The following MAGI1 variants were observed in gnomAD, a reference collection of about 807,000 sequenced individuals.
MAGI1 encodes membrane associated guanylate kinase, WW and PDZ domain containing 1, also known as membrane-associated guanylate kinase, WW and PDZ domain-containing protein 1.
A neutral mutation model predicts 139.9 loss-of-function variants in MAGI1; 58 were observed. That is an observed-to-expected ratio of 0.41 (90% CI 0.34 to 0.52). The LOEUF (loss-of-function observed/expected upper bound fraction) is 0.52, where lower values mean the gene tolerates loss of function less well. MAGI1 is among the 20% of genes least tolerant of loss of function. The pLI, the probability that MAGI1 is intolerant of heterozygous loss-of-function variation, is 0.12. For synonymous variants in MAGI1, 812 were observed against 737.9 expected (o/e 1.10, Z -1.63); for missense variants, 1,874 against 1,901.6 (o/e 0.99, Z 0.27).
intron 1 of MAGI1, among the ~76,000 whole-genome samples, chr3:65,986,116 T>C (rs900112346): frequency 3.3e-5 from 5 of 152,192 alleles, no homozygotes; most frequent in East Asian, 1.9e-4. Flanking sequence ...CAGCCAGACA[T>C]AGCTGATTGA....
chr3:66,003,609 C>A (rs1576427188), intron 1 of MAGI1, among the ~76,000 whole-genome samples: 1 of 97,330 alleles, frequency 1.0e-5, no homozygotes, highest in African/African-American at 3.2e-5. Flanking sequence ...AGACACACAC[C>A]ACAACACCCA....
intron 1 of MAGI1, among the ~76,000 whole-genome samples, chr3:65,865,750 C>G (rs1201449321): frequency 1.3e-5 from 2 of 152,220 alleles, no homozygotes; most frequent in African/African-American, 4.8e-5. Context: ...AAACGATTCT[C>G]CTGCCTCAGC....
At chr3:65,973,226 C>A (rs7644404) in intron 1 of MAGI1, among the ~76,000 whole-genome samples, 4 of 151,758 alleles carry the variant, frequency 2.6e-5, no homozygotes, top group African/African-American at 9.7e-5. Context: ...AGAACAGGTG[C>A]CCCCTATTCT....
At chr3:65,415,027 A>C (rs1946097217) in intron 12 of MAGI1, among the ~76,000 whole-genome samples, 4 of 151,716 alleles carry the variant, frequency 2.6e-5, no homozygotes, top group Middle Eastern at 3.4e-3. Flanking sequence ...AAACAAAAAA[A>C]AAAAAAACAG....
chr3:65,589,177 G>C (rs1408146656), intron 2 of MAGI1, among the ~76,000 whole-genome samples: 1 of 152,176 alleles, frequency 6.6e-6, no homozygotes, highest in East Asian at 1.9e-4. Context: ...GATTTAAAAT[G>C]ATGGCAAGAA....
intron 12 of MAGI1, among the ~76,000 whole-genome samples, chr3:65,404,712 G>C (rs1302900783): frequency 1.3e-5 from 2 of 152,172 alleles, no homozygotes; most frequent in Non-Finnish European, 2.9e-5. Context: ...ACAGCTGGGA[G>C]ACCTAACAGA....
At chr3:65,820,390 T>C (rs2041880415) in intron 1 of MAGI1, among the ~76,000 whole-genome samples, 1 of 152,148 alleles carries the variant, frequency 6.6e-6, no homozygotes, top group African/African-American at 2.4e-5. Context: ...TCACATCTCA[T>C]CTCCAGTCAC....
chr3:65,933,307 T>C (rs1444595306), intron 1 of MAGI1, among the ~76,000 whole-genome samples: 1 of 152,190 alleles, frequency 6.6e-6, no homozygotes, highest in East Asian at 1.9e-4. Flanking sequence ...ATCAAAATAT[T>C]GGTCAGGGCT....
At chr3:65,421,184 A>C (rs1456943208) in intron 12 of MAGI1, among the ~76,000 whole-genome samples, 1 of 152,212 alleles carries the variant, frequency 6.6e-6, no homozygotes, top group South Asian at 2.1e-4. Flanking sequence ...AAGAATTCTC[A>C]AATAAAATCC....
At chr3:65,384,780 GGT>G (rs3072935) in intron 14 of MAGI1, among the ~76,000 whole-genome samples, 2,209 of 147,872 alleles carry the variant, frequency 0.015, 32 homozygotes, top group East Asian at 0.075. Context: ...TATAGGAAGG[GGT>G]GTGTGTGTGT....
In MAGI1 at chr3:66,031,231, G is replaced by A. The variant is rs1479940712; in HGVS notation, c.313+6765C>T. The stretch of plus-strand genomic sequence containing the variant: ...TTTATTCTCAGTGTATACAAAATCA[G>A]TATATCCTGTTACTTGTATATACAA... On this transcript the variant is annotated intron_variant, in intron 1 of 22. Coordinates refer to ENST00000402939, the MANE Select transcript of MAGI1 (RefSeq NM_001033057.2). Among the ~76,000 whole-genome samples, 4 of 152,166 alleles carry A rather than the reference G, an allele frequency of 2.6e-5. No homozygotes were observed. In the East Asian group the frequency reaches 5.8e-4, roughly 22 times the overall value.
intron 1 of MAGI1, among the ~76,000 whole-genome samples, chr3:65,739,741 G>A (rs1210641072): frequency 2.6e-5 from 4 of 152,152 alleles, no homozygotes; most frequent in East Asian, 1.9e-4. Context: ...AGGGGGATCC[G>A]TGGAGCAGTC....
chr3:65,666,698 C>T (rs7628120), intron 1 of MAGI1, among the ~76,000 whole-genome samples: 104,820 of 152,090 alleles, frequency 0.69, 36,509 homozygotes, highest in East Asian at 0.97. Flanking sequence ...TTTTATTATC[C>T]TGCTGGTGGA....
At chr3:65,950,067 C>CAAAAAAAAACAAAAAAAAAAAAAAA (rs2063733550) in intron 1 of MAGI1, among the ~76,000 whole-genome samples, 5 of 76,712 alleles carry the variant, frequency 6.5e-5, no homozygotes, top group East Asian at 4.5e-4. Flanking sequence ...AACAAAAAAA[C>CAAAAAAAAACAAAAAAAAAAAAAAA]AAAAAAAAAA....
intron 1 of MAGI1, among the ~76,000 whole-genome samples, chr3:65,915,338 G>A (rs2061849197): frequency 6.6e-6 from 1 of 152,012 alleles, no homozygotes; most frequent in African/African-American, 2.4e-5. Flanking sequence ...AAACACCAAC[G>A]GGATGCTAAC....
At chr3:65,360,372 T>G (rs1336098187) in intron 22 of MAGI1, 1 of 976,134 alleles carries the variant, frequency 1.0e-6, no homozygotes, top group East Asian at 1.1e-4. Flanking sequence ...TTTTTTTAAT[T>G]TTAAACACAA....
At chr3:65,566,153 C>T (rs2080624856) in intron 2 of MAGI1, among the ~76,000 whole-genome samples, 1 of 151,836 alleles carries the variant, frequency 6.6e-6, no homozygotes, top group African/African-American at 2.4e-5. Flanking sequence ...ACTCGGGAGG[C>T]TGAGGCAGAA....
intron 22 of MAGI1, chr3:65,360,738 A>C: frequency 9.9e-7 from 1 of 1,008,132 alleles, no homozygotes; most frequent in Non-Finnish European, 1.2e-6. Flanking sequence ...CAAAGCCCCC[A>C]AATCTCTCAA....
At chr3:65,488,870 G>T (rs1951799596) in intron 3 of MAGI1, among the ~76,000 whole-genome samples, 1 of 150,562 alleles carries the variant, frequency 6.6e-6, no homozygotes, top group African/African-American at 2.4e-5. Flanking sequence ...ATGGGGTTTT[G>T]CCATGTTGCC....
Sources: gnomAD v4.1 joint callset for allele counts (sites outside exome capture counted in the v4.1 genomes callset) on GRCh38, gnomAD v4.1.1 for gene constraint, MANE v1.5 for transcripts, NCBI Gene and HGNC (gene_info 2026-07-23, HGNC 2026-07-21) for gene names.